Variants in FAM120B observed in about 807,000 individuals in gnomAD.
FAM120B encodes constitutive coactivator of peroxisome proliferator-activated receptor gamma.
Under a neutral mutation model 96.3 loss-of-function variants are expected in FAM120B, and 83 were observed. The observed-to-expected ratio is 0.86, with a 90% CI of 0.72 to 1.03. The LOEUF (loss-of-function observed/expected upper bound fraction) is 1.03, where lower values mean the gene tolerates loss of function less well. FAM120B is among the 50% of genes least tolerant of loss of function. FAM120B has a pLI of 0.00. For missense variants in FAM120B, 1,027 were observed against 1,121.2 expected (o/e 0.92, Z 1.20); for synonymous variants, 407 against 402.7 (o/e 1.01, Z -0.13).
At chr6:170,401,809 A>C (rs1778596854) in intron 9 of FAM120B, among the ~76,000 whole-genome samples, 1 of 152,216 alleles carries the variant, frequency 6.6e-6, no homozygotes. Context: ...TATAATGCAG[A>C]TATTCCAAAA....
chr6:170,384,190 G>A (rs1234919853), intron 6 of FAM120B, among the ~76,000 whole-genome samples: 2 of 152,104 alleles, frequency 1.3e-5, no homozygotes, highest in African/African-American at 2.4e-5. Context: ...TAGTGGCAGG[G>A]GCTACACAAA....
At chr6:170,383,333 C>G (rs1341833761) in intron 6 of FAM120B, among the ~76,000 whole-genome samples, 3 of 152,046 alleles carry the variant, frequency 2.0e-5, no homozygotes, top group African/African-American at 7.2e-5. Context: ...ATTTTAAATT[C>G]AAAATTAAAA....
At chr6:170,325,567 A>G (rs902237051) in intron 3 of FAM120B, among the ~76,000 whole-genome samples, 1 of 150,816 alleles carries the variant, frequency 6.6e-6, no homozygotes, top group East Asian at 1.9e-4. Context: ...TTGGCCGGGC[A>G]CGGTAGCTCA....
chr6:170,366,008 C>T (rs1788769386), intron 6 of FAM120B, among the ~76,000 whole-genome samples: 1 of 152,108 alleles, frequency 6.6e-6, no homozygotes, highest in Non-Finnish European at 1.5e-5. Flanking sequence ...CAGCAGTGAG[C>T]TGTTTCTTGT....
rs919931878 is a variant in FAM120B at position 170,404,813 on chromosome 6, C to T, written c.*62C>T. 6 of 548,322 alleles carry T rather than the reference C, an allele frequency of 1.1e-5. No homozygotes were observed. The highest frequency in any genetic ancestry group is 6.7e-5 in the Admixed American group (2 of 29,664). 34.0% of individuals were successfully genotyped at this position (548,322 alleles called of 1,614,324 possible). A position where few individuals can be genotyped will look rare whatever the true frequency, so the allele number is the denominator to read the frequency against. ...ACACCTGGACGCAGAGCCCTGCCAG[C>T]GCCCTCCTCTGCTGTTGCAGCTGCA... On this transcript the variant is annotated 3_prime_UTR_variant, in exon 11 of 11. Transcript: ENST00000476287.
chr6:170,310,168 A>G (rs6456196), intron 1 of FAM120B, among the ~76,000 whole-genome samples: 143,094 of 152,310 alleles, frequency 0.94, 67,306 homozygotes, highest in East Asian at 1. Flanking sequence ...ATGATAATAA[A>G]AGCCTAAATA....
intron 4 of FAM120B, among the ~76,000 whole-genome samples, chr6:170,340,622 G>A (rs7751303): frequency 0.098 from 14,912 of 152,196 alleles, 1,042 homozygotes; most frequent in African/African-American, 0.19. Flanking sequence ...CCTCATCTTC[G>A]TGGATTCATC....
intron 4 of FAM120B, among the ~76,000 whole-genome samples, chr6:170,334,164 G>C (rs1476654632): frequency 6.6e-6 from 1 of 152,020 alleles, no homozygotes; most frequent in Non-Finnish European, 1.5e-5. Flanking sequence ...GTTACTTTAA[G>C]CATATCCTTA....
At chr6:170,367,532 T>C (rs1337904018) in intron 6 of FAM120B, among the ~76,000 whole-genome samples, 1 of 152,248 alleles carries the variant, frequency 6.6e-6, no homozygotes, top group African/African-American at 2.4e-5. Flanking sequence ...TCCATCTGGC[T>C]CTTTCCAGAA....
chr6:170,366,518 AGT>A (rs1330750116), intron 6 of FAM120B, among the ~76,000 whole-genome samples: 1 of 151,924 alleles, frequency 6.6e-6, no homozygotes. Context: ...AGCGCACCTG[AGT>A]GGGGTTCCCC....
intron 4 of FAM120B, among the ~76,000 whole-genome samples, chr6:170,334,833 A>G (rs1007143057): frequency 1.3e-4 from 20 of 152,186 alleles, no homozygotes; most frequent in African/African-American, 4.3e-4. Flanking sequence ...AATGCATTAG[A>G]TGGGAGTGGT....
At chr6:170,381,716 TC>T (rs1206864106) in intron 6 of FAM120B, among the ~76,000 whole-genome samples, 5 of 151,850 alleles carry the variant, frequency 3.3e-5, no homozygotes, top group Admixed American at 3.3e-4. Flanking sequence ...AGTGAAACCC[TC>T]CATATTAATA....
At chr6:170,349,587 G>T (rs1309507949) in intron 5 of FAM120B, among the ~76,000 whole-genome samples, 1 of 152,220 alleles carries the variant, frequency 6.6e-6, no homozygotes, top group African/African-American at 2.4e-5. Flanking sequence ...ATGCACCAAT[G>T]TAAACCTTGG....
At chr6:170,310,805 C>T (rs1192104414) in intron 1 of FAM120B, among the ~76,000 whole-genome samples, 1 of 152,218 alleles carries the variant, frequency 6.6e-6, no homozygotes, top group Non-Finnish European at 1.5e-5. Flanking sequence ...CTCTCTGCTT[C>T]TCAGAGGACT....
chr6:170,345,473 C>T (rs1331771778), intron 4 of FAM120B, among the ~76,000 whole-genome samples: 2 of 152,186 alleles, frequency 1.3e-5, no homozygotes, highest in Non-Finnish European at 2.9e-5. Flanking sequence ...ATAAAACCTT[C>T]GCACTCTTGT....
chr6:170,378,980 C>T (rs1030699431), intron 6 of FAM120B, among the ~76,000 whole-genome samples: 2 of 152,188 alleles, frequency 1.3e-5, no homozygotes, highest in South Asian at 2.1e-4. Context: ...GAGCAAGGGA[C>T]GGGGCCGGAG....
chr6:170,395,194 C>G (rs577749226), intron 8 of FAM120B, among the ~76,000 whole-genome samples: 1 of 152,170 alleles, frequency 6.6e-6, no homozygotes, highest in South Asian at 2.1e-4. Flanking sequence ...CCAGGGGGCC[C>G]CAGGGAAGAG....
intron 1 of FAM120B, among the ~76,000 whole-genome samples, chr6:170,309,193 A>G (rs1784456782): frequency 6.6e-6 from 1 of 152,222 alleles, no homozygotes; most frequent in Non-Finnish European, 1.5e-5. Flanking sequence ...GAACTTGATA[A>G]TGAGTATAAA....
At chr6:170,294,429 C>T (rs898174806), upstream of FAM120B, among the ~76,000 whole-genome samples, 7 of 152,072 alleles carry the variant, frequency 4.6e-5, no homozygotes, top group African/African-American at 1.4e-4. This position sits in a 1 kb window ranked among gnomAD's most constrained non-coding sequence, Gnocchi z 7.9. Context: ...GGCTGAGTAA[C>T]CCCAGTGTCT....
Sources: gnomAD v4.1 joint callset for allele counts (sites outside exome capture counted in the v4.1 genomes callset) on GRCh38, gnomAD v4.1.1 for gene constraint, Gnocchi (gnomAD v3.1) non-coding constraint, MANE v1.5 for transcripts, NCBI Gene and HGNC (gene_info 2026-07-23, HGNC 2026-07-21) for gene names.